Variants in CA14 observed in about 807,000 individuals in gnomAD.
CA14 encodes the protein CA-XIV.
In CA14, 44 loss-of-function variants were observed where a neutral mutation model predicts 48.8. The observed-to-expected ratio is 0.90, with a 90% CI of 0.71 to 1.16. CA14 has a LOEUF of 1.16. Ranked by LOEUF, CA14 falls within the 50% of genes most tolerant of loss-of-function variation. CA14 has a pLI of 0.00. For missense variants in CA14, 386 were observed against 401.0 expected (o/e 0.96, Z 0.32); for synonymous variants, 154 against 155.0 (o/e 0.99, Z 0.05).
intron 2 of CA14, chr1:150,260,481 G>T (rs587640021): frequency 4.2e-6 from 2 of 479,500 alleles, no homozygotes; most frequent in Non-Finnish European, 7.7e-6. Context: ...TCTCCTTCTG[G>T]CTCCGTCTAT....
chr1:150,263,229 G>A (rs376799889), intron 7 of CA14, 30 bp downstream of exon 7: 6 of 1,613,678 alleles, frequency 3.7e-6, no homozygotes, highest in Non-Finnish European at 5.1e-6. Flanking sequence ...GGTGAGGTGA[G>A]ACACAGTTGT....
intron 1 of CA14, 35 bp from the exon 2 acceptor site, chr1:150,260,116 G>A: frequency 6.2e-7 from 1 of 1,612,088 alleles, no homozygotes; most frequent in Non-Finnish European, 8.5e-7. Context: ...GCCCCAGGCT[G>A]CGCTGGCTGT....
intron 9 of CA14, 39 bp downstream of exon 9, chr1:150,263,718 G>A (rs1241090851): frequency 1.2e-6 from 2 of 1,612,612 alleles, no homozygotes; most frequent in African/African-American, 1.3e-5. Flanking sequence ...GAGGGGAGGT[G>A]TCCTCACCGA....
chr1:150,262,182 T>C lies in CA14; in HGVS notation c.281T>C (p.Leu94Pro), dbSNP rs1553848006. ...HTVQLSLPSTLYLGGLPRKYV... is the reference protein window; with the variant it reads ...HTVQLSLPSTPYLGGLPRKYV... ...GTGCAACTCTCTCTGCCCTCTACCC[T>C]GTATCTGGGTGGACTTCCCCGAAAA... Residue 94 changes from leucine to proline, a missense_variant, in exon 4 of 11, where the codon CTG becomes CCG. Coordinates refer to ENST00000369111, the MANE Select transcript of CA14 (RefSeq NM_012113.3). The C allele has an allele frequency of 3.7e-6, 6 of 1,614,044 alleles. No homozygotes were observed. The highest frequency in any genetic ancestry group is 3.4e-6 in the Non-Finnish European group (4 of 1,179,998).
chr1:150,260,266 T>G (rs1453747128), intron 2 of CA14, 95 bp downstream of exon 2: 6 of 1,219,680 alleles, frequency 4.9e-6, no homozygotes, highest in Non-Finnish European at 7.3e-6. Context: ...GAGACTTCCT[T>G]TACCTTCTCA....
chr1:150,257,942 C>T lies in CA14; in HGVS notation c.-187C>T, dbSNP rs1650677707. 1 of 433,556 alleles carries T rather than the reference C, an allele frequency of 2.3e-6. No individual in the cohort carries two copies. Among genetic ancestry groups the T allele is most frequent in the Admixed American group, 3.8e-5 (1 of 26,062 alleles). The allele number at this position is 433,556 out of a possible 1,614,324, so 26.9% of individuals were successfully genotyped here. On this transcript the variant is annotated 5_prime_UTR_variant, in exon 1 of 11. Coordinates refer to ENST00000369111, the MANE Select transcript of CA14 (RefSeq NM_012113.3). ...GGATCCAGAAACCCATGATACCCTA[C>T]TGAACACCGAATCCCCTGGAAGCCC...
chr1:150,263,114 AC>A lies in CA14; in HGVS notation c.636del (p.Tyr212Ter). 6.2e-7 allele frequency: 1 copy of A among 1,614,148 alleles called. No homozygotes were observed. The highest frequency in any genetic ancestry group is 1.1e-5 in the South Asian group (1 of 91,082). The stretch of plus-strand genomic sequence containing the variant: ...AAACAGCTGGGGCAGTACTTCCGCT[AC>A]AATGGCTCGCTCACAACTCCCCCTT... ...LPKQLGQYFR[Y>X]NGSLTTPPCY... On this transcript the variant is annotated frameshift_variant, in exon 7 of 11. Coordinates refer to ENST00000369111, the MANE Select transcript of CA14 (RefSeq NM_012113.3). LOFTEE classifies it high-confidence loss of function.
At position 150,263,799 on chromosome 1, in the gene CA14, A is replaced by G; in HGVS notation, c.868A>G (p.Met290Val). The G allele has an allele frequency of 6.2e-7, 1 of 1,613,884 alleles. No individual in the cohort carries two copies. Among genetic ancestry groups the G allele is most frequent in the Non-Finnish European group, 8.5e-7 (1 of 1,179,836 alleles). The change falls in exon 10 of 11, where the codon ATG becomes GTG. Residue 290 changes from methionine (M) to valine (V), a missense_variant. Met to Val is a conservative substitution (Grantham distance 21). Transcript: ENST00000369111. Reference sequence around the variant, plus strand: ...TTTACCTTTATCTCCCCCAGGTGAAATGCTGAGTCTAGGTGTAGGAATCTT... The same window carrying G: ...TTTACCTTTATCTCCCCCAGGTGAAGTGCTGAGTCTAGGTGTAGGAATCTT... ...QAGSSYTTGE[M>V]LSLGVGILVG...
intron 7 of CA14, 30 bp downstream of exon 7, chr1:150,263,229 GAC>G (rs1560027020): frequency 6.2e-7 from 1 of 1,613,678 alleles, no homozygotes; most frequent in African/African-American, 1.3e-5. Flanking sequence ...GGTGAGGTGA[GAC>G]ACAGTTGTAA....
chr1:150,260,864 A>T (rs949563303), intron 2 of CA14: 7 of 147,376 alleles, frequency 4.7e-5, no homozygotes, highest in Non-Finnish European at 7.3e-5. Context: ...GGTTTAAGTG[A>T]TTCTCCTGCC....
chr1:150,261,680 A>G (rs781859421), intron 3 of CA14, 42 bp downstream of exon 3: 2 of 1,574,838 alleles, frequency 1.3e-6, no homozygotes, highest in East Asian at 4.5e-5. Context: ...TCCAGCTCAG[A>G]TCTTAGGAGT....
intron 1 of CA14, among the ~76,000 whole-genome samples, chr1:150,259,825 C>T (rs1168882926): frequency 6.6e-6 from 1 of 151,930 alleles, no homozygotes; most frequent in African/African-American, 2.4e-5. Context: ...TGACTTGGCA[C>T]AGGTTACAGA....
Position 150,262,639 on chromosome 1 carries a change from C to T in CA14, c.495+19C>T, listed in dbSNP as rs782443823. On this transcript the variant is annotated intron_variant, in intron 5 of 10. Coordinates refer to ENST00000369111, the MANE Select transcript of CA14 (RefSeq NM_012113.3). ...AATTGAGGTCAGTAGCCCCCAGTCC[C>T]TTCCAGGTTTCTCTCCACTTCCTCT... 2 of 1,587,708 alleles carry T rather than the reference C, an allele frequency of 1.3e-6. No individual in the cohort carries two copies. Among genetic ancestry groups the T allele is most frequent in the East Asian group, 2.2e-5 (1 of 44,772 alleles).
chr1:150,261,430 G>A (rs1651017925), intron 2 of CA14, 29 bp from the exon 3 acceptor site: 2 of 1,604,230 alleles, frequency 1.2e-6, no homozygotes, highest in South Asian at 1.1e-5. Flanking sequence ...CTGGAGGACA[G>A]GACCAATGTC....
chr1:150,260,561 G>A (rs940318549), intron 2 of CA14: 5 of 348,870 alleles, frequency 1.4e-5, no homozygotes, highest in African/African-American at 8.5e-5. Flanking sequence ...TGAGGAAGAG[G>A]CTGGCAGGAT....
rs781845254 is a variant in CA14, at chr1:150,263,674, C to T, written c.857C>T (p.Thr286Ile). The change falls in exon 9 of 11, where the codon ACC (threonine) becomes ATC (isoleucine). Residue 286 changes from threonine (T) to isoleucine (I), a missense_variant. By Grantham distance (89) the Thr-to-Ile change is moderately conservative. Transcript: ENST00000369111. ...TCTCTTACAGCAGGATCCTCGTATA[C>T]CACAGGTAAGCCAGCCTTATAAGAT... ...ASFIQAGSSYTTGEMLSLGVG... is the reference protein window; with the variant it reads ...ASFIQAGSSYITGEMLSLGVG... 2.5e-6 allele frequency: 4 copies of T among 1,614,056 alleles called. No homozygotes were observed. Among genetic ancestry groups the T allele is most frequent in the Admixed American group, 3.3e-5 (2 of 60,026 alleles).
intron 10 of CA14, among the ~76,000 whole-genome samples, 160 bp downstream of exon 10, chr1:150,264,038 G>A (rs1651402910): frequency 6.6e-6 from 1 of 150,398 alleles, no homozygotes; most frequent in African/African-American, 2.5e-5. Flanking sequence ...CAATTCTCCT[G>A]CCTCAGCCTC....
At chr1:150,260,208 C>G (rs1316217366) in intron 2 of CA14, 37 bp downstream of exon 2, 1 of 1,607,938 alleles carries the variant, frequency 6.2e-7, no homozygotes, top group Non-Finnish European at 8.5e-7. Flanking sequence ...AACCCTTTCA[C>G]ACTGGGACCT....
rs1651514495 is a variant in CA14, at chr1:150,264,756, G to T, written c.*97G>T. ...TAGGATCTGGCCAGAAACACTGTAG[G>T]AGTAGTAAGCAGATGTCCTCCTTCC... On this transcript the variant is annotated 3_prime_UTR_variant, in exon 11 of 11. Coordinates refer to ENST00000369111, the MANE Select transcript of CA14 (RefSeq NM_012113.3). 4.6e-6 allele frequency: 4 copies of T among 861,874 alleles called. No individual in the cohort carries two copies. Among genetic ancestry groups the T allele is most frequent in the Non-Finnish European group, 7.3e-6 (4 of 544,284 alleles). 53.4% of individuals were successfully genotyped at this position (861,874 alleles called of 1,614,324 possible). A position where few individuals can be genotyped will look rare whatever the true frequency, so the allele number is the denominator to read the frequency against.
Sources: gnomAD v4.1 joint callset for allele counts (sites outside exome capture counted in the v4.1 genomes callset) on GRCh38, gnomAD v4.1.1 for gene constraint, MANE v1.5 for transcripts, NCBI Gene and HGNC (gene_info 2026-07-23, HGNC 2026-07-21) for gene names.